CLOCK: variants seen among roughly 807,000 people sequenced by gnomAD.
CLOCK encodes the protein clock circadian regulator.
A neutral mutation model predicts 118.4 loss-of-function variants in CLOCK; 43 were observed. That is an observed-to-expected ratio of 0.36 (90% CI 0.28 to 0.47). The LOEUF (loss-of-function observed/expected upper bound fraction) is 0.47. Among genes scored for constraint, CLOCK ranks in the 20% least tolerant of loss-of-function variants. The pLI, the probability that CLOCK is intolerant of heterozygous loss-of-function variation, is 1.00. For missense variants in CLOCK, 846 were observed against 999.9 expected (o/e 0.85, Z 2.08); for synonymous variants, 326 against 339.2 (o/e 0.96, Z 0.43).
chr4:55,532,155 T>C (rs373182717), intron 1 of CLOCK, among the ~76,000 whole-genome samples: 3 of 152,118 alleles, frequency 2.0e-5, no homozygotes, highest in Admixed American at 6.5e-5. Context: ...AAATGAAGAA[T>C]AGAAGGAAAC....
chr4:55,505,288 G>GA (rs996445283), intron 2 of CLOCK, among the ~76,000 whole-genome samples: 23 of 148,464 alleles, frequency 1.5e-4, no homozygotes, highest in East Asian at 5.9e-4. Flanking sequence ...AAAGCAGTTT[G>GA]AAAAAAAAAG....
intron 1 of CLOCK, among the ~76,000 whole-genome samples, chr4:55,518,834 G>C (rs1197877617): frequency 6.6e-6 from 1 of 152,144 alleles, no homozygotes; most frequent in African/African-American, 2.4e-5. Flanking sequence ...TGTTACAGCA[G>C]CCAAATGGAC....
intron 1 of CLOCK, among the ~76,000 whole-genome samples, chr4:55,536,376 T>A (rs1730891956): frequency 1.3e-5 from 2 of 152,074 alleles, no homozygotes; most frequent in South Asian, 4.1e-4. Context: ...TAAATGTAAT[T>A]CCCAATGTTG....
chr4:55,523,066 C>T (rs1253128969), intron 1 of CLOCK, among the ~76,000 whole-genome samples: 3 of 151,866 alleles, frequency 2.0e-5, no homozygotes, highest in South Asian at 4.2e-4. Context: ...GAGATGGAGG[C>T]GGGCGGATCG....
At chr4:55,546,514 TC>T (rs1731647088) in intron 1 of CLOCK, 1 of 76,324 alleles carries the variant, frequency 1.3e-5, no homozygotes, top group African/African-American at 5.1e-5. Context: ...GCTTCTTCCC[TC>T]CCCCACCCAG....
chr4:55,523,218 T>C (rs999536779), intron 1 of CLOCK, among the ~76,000 whole-genome samples: 1 of 152,052 alleles, frequency 6.6e-6, no homozygotes, highest in African/African-American at 2.4e-5. Flanking sequence ...GAGAATGGCA[T>C]GAATCTGGGA....
Position 55,450,235 on chromosome 4 carries a change from A to G in CLOCK, c.1207-3T>C, listed in dbSNP as rs765289673. On this transcript the variant is annotated splice_region_variant and splice_polypyrimidine_tract_variant and intron_variant, in intron 15 of 22. Coordinates refer to ENST00000513440, the MANE Select transcript of CLOCK (RefSeq NM_004898.4). ...TTATCTGACCCAGAATCTTGGCTCTATGGAGACAGAGTAAAATAAATGTTT... is the reference window on the plus strand; with the variant it reads ...TTATCTGACCCAGAATCTTGGCTCTGTGGAGACAGAGTAAAATAAATGTTT... 4 of 1,613,822 alleles carry G rather than the reference A, an allele frequency of 2.5e-6. No individual in the cohort carries two copies. Among genetic ancestry groups the G allele is most frequent in the African/African-American group, 2.7e-5 (2 of 74,898 alleles).
At chr4:55,483,549 G>A (rs1727080198) in intron 3 of CLOCK, among the ~76,000 whole-genome samples, 1 of 152,188 alleles carries the variant, frequency 6.6e-6, no homozygotes, top group Non-Finnish European at 1.5e-5. Flanking sequence ...ACGTGATAAT[G>A]TATGACCACT....
intron 2 of CLOCK, among the ~76,000 whole-genome samples, chr4:55,491,234 T>TAAAAAAAAAAA (rs34441416): frequency 4.5e-5 from 2 of 44,362 alleles, no homozygotes; most frequent in African/African-American, 9.1e-5. Flanking sequence ...GCAGGTGTGC[T>TAAAAAAAAAAA]AAAAAAAAAA....
intron 1 of CLOCK, among the ~76,000 whole-genome samples, chr4:55,538,094 T>C (rs1228888432): frequency 1.3e-5 from 2 of 152,214 alleles, no homozygotes; most frequent in Non-Finnish European, 2.9e-5. Flanking sequence ...TTCGGAATGA[T>C]ACTAAATCTC....
chr4:55,435,185 C>T lies in CLOCK; in HGVS notation c.*230G>A, dbSNP rs753988678. 1 of 552,342 alleles carries T rather than the reference C, an allele frequency of 1.8e-6. No individual in the cohort carries two copies. The highest frequency in any genetic ancestry group is 3.3e-6 in the Non-Finnish European group (1 of 306,506). The allele number at this position is 552,342 out of a possible 1,614,324, so 34.2% of individuals were successfully genotyped here. On this transcript the variant is annotated 3_prime_UTR_variant, in exon 23 of 23. Coordinates refer to ENST00000513440, the MANE Select transcript of CLOCK (RefSeq NM_004898.4). ...TCAAAAAATATCCAGGCACCTAAAA[C>T]ACTGTCAGAACTGGCTATGCCCCTA...
At chr4:55,450,335 A>G (rs1351240458) in intron 15 of CLOCK, 103 bp from the exon 16 acceptor site, 4 of 1,373,958 alleles carry the variant, frequency 2.9e-6, no homozygotes, top group Non-Finnish European at 4.1e-6. Flanking sequence ...TTTGTCTATA[A>G]CAAGGCAAAA....
At chr4:55,454,860 C>G (rs1724802600) in intron 13 of CLOCK, among the ~76,000 whole-genome samples, 1 of 146,928 alleles carries the variant, frequency 6.8e-6, no homozygotes. Context: ...CCCCACCCCC[C>G]AACCCCGCCG....
At chr4:55,440,766 C>T (rs548067154) in intron 21 of CLOCK, among the ~76,000 whole-genome samples, 1 of 152,280 alleles carries the variant, frequency 6.6e-6, no homozygotes, top group South Asian at 2.1e-4. Context: ...CTTTAATCTG[C>T]TTTCGTGTAA....
At chr4:55,508,033 G>A (rs1728918832) in intron 2 of CLOCK, among the ~76,000 whole-genome samples, 1 of 152,094 alleles carries the variant, frequency 6.6e-6, no homozygotes, top group South Asian at 2.1e-4. Flanking sequence ...GTTCTCAAGG[G>A]ACAAAGAAGG....
chr4:55,478,605 T>G (rs1726702016), intron 6 of CLOCK, among the ~76,000 whole-genome samples: 1 of 152,224 alleles, frequency 6.6e-6, no homozygotes, highest in Non-Finnish European at 1.5e-5. Flanking sequence ...AATCCAGGAC[T>G]GTTACCCTGC....
At chr4:55,437,959 G>A (rs1404524398) in intron 22 of CLOCK, among the ~76,000 whole-genome samples, 1 of 152,322 alleles carries the variant, frequency 6.6e-6, no homozygotes, top group East Asian at 1.9e-4. Context: ...GCTAGAAAAA[G>A]GAGGAAAGAG....
At chr4:55,482,214 A>G (rs192654079) in intron 4 of CLOCK, among the ~76,000 whole-genome samples, 1 of 152,258 alleles carries the variant, frequency 6.6e-6, no homozygotes, top group Admixed American at 6.5e-5. Context: ...TGAGCACAGT[A>G]CCCAATAGTT....
At chr4:55,516,267 G>A (rs915440154) in intron 1 of CLOCK, among the ~76,000 whole-genome samples, 2 of 152,104 alleles carry the variant, frequency 1.3e-5, no homozygotes, top group African/African-American at 4.8e-5. Context: ...TTTTCTGCCC[G>A]CTACATCTGT....
Sources: gnomAD v4.1 joint callset for allele counts (sites outside exome capture counted in the v4.1 genomes callset) on GRCh38, gnomAD v4.1.1 for gene constraint, MANE v1.5 for transcripts, NCBI Gene and HGNC (gene_info 2026-07-23, HGNC 2026-07-21) for gene names.